Variants in NSUN2 observed in about 807,000 individuals in gnomAD.
NSUN2 encodes the protein NOP2/Sun RNA methyltransferase 2.
A neutral mutation model predicts 92.7 loss-of-function variants in NSUN2; 63 were observed. The ratio of observed to expected loss-of-function variants is 0.68; its 90% CI spans 0.56 to 0.84. The LOEUF (loss-of-function observed/expected upper bound fraction) is 0.84, where lower values mean the gene tolerates loss of function less well. Ranked by LOEUF, NSUN2 falls within the 40% of genes least tolerant of loss-of-function variation. The pLI is 0.00. For synonymous variants in NSUN2, 356 were observed against 348.3 expected, an observed-to-expected ratio of 1.02 and a Z score of -0.25; for missense variants, 989 against 964.9, an observed-to-expected ratio of 1.02 and a Z score of -0.33.
chr5:6,627,141 AT>A (rs1399427571), intron 3 of NSUN2, among the ~76,000 whole-genome samples: 1 of 152,254 alleles, frequency 6.6e-6, no homozygotes, highest in Non-Finnish European at 1.5e-5. Flanking sequence ...CCTCCTCGAC[AT>A]TTAATGTGTT....
rs1736458041 is a variant in NSUN2, at chr5:6,599,615, A to G, written c.*311T>C. 1 of 291,650 alleles carries G rather than the reference A, an allele frequency of 3.4e-6. No individual in the cohort carries two copies. Among genetic ancestry groups the G allele is most frequent in the Non-Finnish European group, 6.3e-6 (1 of 157,870 alleles). The allele number at this position is 291,650 out of a possible 1,614,324, so 18.1% of individuals were successfully genotyped here. On this transcript the variant is annotated 3_prime_UTR_variant, in exon 19 of 19. Transcript: ENST00000264670. ...AAAGACCTGAAATTTCTGCAAGGGC[A>G]GTTTTGTTTCTTGATAGAAGTACAA...
At position 6,607,263 on chromosome 5, in the gene NSUN2, G is replaced by A. The variant is rs1171385000; in HGVS notation, c.1445C>T (p.Thr482Ile). 6.2e-7 allele frequency: 1 copy of A among 1,614,054 alleles called. No homozygotes were observed. ...ESPSFTGTGD[T>I]EIAHATEDLE... Reference sequence around the variant, plus strand: ...ATCCTCAGTTGCATGAGCTATTTCTGTGTCACCAGTTCCTGTGAATGACGG... The same window carrying A: ...ATCCTCAGTTGCATGAGCTATTTCTATGTCACCAGTTCCTGTGAATGACGG... The change falls in exon 13 of 19, where the codon ACA (threonine) becomes ATA (isoleucine). Residue 482 changes from threonine (T) to isoleucine (I), a missense_variant. Transcript: ENST00000264670.
chr5:6,608,580 A>G (rs1432023804), intron 12 of NSUN2, among the ~76,000 whole-genome samples: 2 of 152,262 alleles, frequency 1.3e-5, no homozygotes, highest in South Asian at 2.1e-4. Context: ...GAAAATGACA[A>G]TAAGTTGTTC....
At chr5:6,600,721 C>G (rs942641893) in intron 18 of NSUN2, among the ~76,000 whole-genome samples, 1 of 152,002 alleles carries the variant, frequency 6.6e-6, no homozygotes, top group Non-Finnish European at 1.5e-5. Flanking sequence ...CTGCCCTTAG[C>G]AGGGCTGCCA....
chr5:6,600,842 C>T (rs746710243), intron 18 of NSUN2, among the ~76,000 whole-genome samples: 8 of 152,222 alleles, frequency 5.3e-5, no homozygotes, highest in Non-Finnish European at 8.8e-5. Flanking sequence ...TGCTCATTTC[C>T]GTTCCCAGCA....
chr5:6,605,034 C>T, intron 15 of NSUN2: 1 of 609,696 alleles, frequency 1.6e-6, no homozygotes, highest in Non-Finnish European at 2.9e-6. Context: ...TGGCTCACCC[C>T]CCTGCGGGAA....
At chr5:6,601,618 C>T (rs1263529359) in intron 18 of NSUN2, among the ~76,000 whole-genome samples, 2 of 152,132 alleles carry the variant, frequency 1.3e-5, no homozygotes, top group Admixed American at 6.6e-5. Flanking sequence ...TCCTTCCCTA[C>T]TTGGCTGGGC....
chr5:6,607,272 G>A lies in NSUN2; in HGVS notation c.1436C>T (p.Thr479Ile), dbSNP rs1736814973. ...TGCATGAGCTATTTCTGTGTCACCA[G>A]TTCCTGTGAATGACGGACTTTCCAG... is the stretch of plus-strand genomic sequence containing the variant. ...SKLESPSFTG[T>I]GDTEIAHATE... The change falls in exon 13 of 19, where the codon ACT becomes ATT. Residue 479 changes from threonine to isoleucine, a missense_variant. Thr to Ile is a moderately conservative substitution (Grantham distance 89). Transcript: ENST00000264670. 1 of 1,614,106 alleles carries A rather than the reference G, an allele frequency of 6.2e-7. No homozygotes were observed.
At position 6,607,262 on chromosome 5, in the gene NSUN2, T is replaced by C. The variant is rs1736814512; in HGVS notation, c.1446A>G (p.Thr482=). Residue 482 remains threonine (T), a synonymous_variant, in exon 13 of 19, where the codon ACA becomes ACG. Coordinates refer to ENST00000264670, the MANE Select transcript of NSUN2 (RefSeq NM_017755.6). ...AATCCTCAGTTGCATGAGCTATTTC[T>C]GTGTCACCAGTTCCTGTGAATGACG... is the stretch of plus-strand genomic sequence containing the variant. ...ESPSFTGTGD[T]EIAHATEDLE... The C allele has an allele frequency of 2.5e-6, 4 of 1,614,250 alleles. No homozygotes were observed. The highest frequency in any genetic ancestry group is 2.7e-5 in the African/African-American group (2 of 75,074).
At chr5:6,610,858 C>A in intron 11 of NSUN2, 97 bp downstream of exon 11, 1 of 1,439,546 alleles carries the variant, frequency 6.9e-7, no homozygotes, top group East Asian at 2.4e-5. Context: ...GCAATGTCAC[C>A]TGCTGCCTCC....
At chr5:6,621,794 T>C (rs1295813348) in intron 6 of NSUN2, 10 of 440,920 alleles carry the variant, frequency 2.3e-5, no homozygotes, top group Non-Finnish European at 3.2e-5. Context: ...AAAACACACA[T>C]AATTCTAAAA....
At position 6,611,811 on chromosome 5, in the gene NSUN2, A is replaced by G; in HGVS notation, c.1022-13T>C. 3 of 1,613,516 alleles carry G rather than the reference A, an allele frequency of 1.9e-6. No homozygotes were observed. Among genetic ancestry groups the G allele is most frequent in the Non-Finnish European group, 2.5e-6 (3 of 1,179,480 alleles). On this transcript the variant is annotated splice_polypyrimidine_tract_variant and intron_variant, in intron 9 of 18. Coordinates refer to ENST00000264670, the MANE Select transcript of NSUN2 (RefSeq NM_017755.6). ...AGCTCCAAAGCACCTGTGCAGCAAAAGCATGGACGTCTTTTGTTTTTCAAA... is the reference window on the plus strand; with the variant it reads ...AGCTCCAAAGCACCTGTGCAGCAAAGGCATGGACGTCTTTTGTTTTTCAAA...
At chr5:6,625,736 G>T in intron 3 of NSUN2, 67 bp from the exon 4 acceptor site, 2 of 1,124,464 alleles carry the variant, frequency 1.8e-6, no homozygotes, top group Non-Finnish European at 2.7e-6. Flanking sequence ...ACAACTTTGT[G>T]CTTCTATCAG....
chr5:6,605,830 G>C (rs1440571048), intron 14 of NSUN2, among the ~76,000 whole-genome samples: 2 of 150,938 alleles, frequency 1.3e-5, no homozygotes, highest in African/African-American at 4.9e-5. Flanking sequence ...GAGTAGCTGT[G>C]ATTATAGGTG....
chr5:6,628,551 G>A (rs139953204), intron 3 of NSUN2, among the ~76,000 whole-genome samples: 2,385 of 152,198 alleles, frequency 0.016, 32 homozygotes, highest in Middle Eastern at 0.031. Context: ...TTCAAAAAAC[G>A]TTTTCCTAAA....
At position 6,610,962 on chromosome 5, in the gene NSUN2, C is replaced by A. The variant is rs1354121232; in HGVS notation, c.1219G>T (p.Glu407Ter). 6.2e-7 allele frequency: 1 copy of A among 1,614,092 alleles called. No individual in the cohort carries two copies. The stretch of plus-strand genomic sequence containing the variant: ...GAGGCCCCACCAGCTCACCATCGCT[C>A]CAGGTGCATGGCCTGCAGCTTTTCT... The part of the protein sequence containing the change: ...DPEKLQAMHL[E>*]RCLRILPHHQ... The change falls in exon 11 of 19, where the codon GAG becomes TAG. Residue 407 changes from glutamate (E) to a stop codon, truncating the protein, a stop_gained. Coordinates refer to ENST00000264670, the MANE Select transcript of NSUN2 (RefSeq NM_017755.6). LOFTEE classifies it high-confidence loss of function.
At position 6,611,448 on chromosome 5, in the gene NSUN2, T is replaced by TAAAAAAAAAAAAAAAAAAAAAA. The variant is rs760872450; in HGVS notation, c.1095+276_1095+277insTTTTTTTTTTTTTTTTTTTTTT. ...ACAAGGCTTGAATCCCGGCCCAATTTAAAAAAAAAAAAAAAAAGCAAAGCT... is the reference window on the plus strand; with the variant it reads ...ACAAGGCTTGAATCCCGGCCCAATTTAAAAAAAAAAAAAAAAAAAAAAAAAAAAAAAAAAAAAAAGCAAAGCT... On this transcript the variant is annotated intron_variant, in intron 10 of 18. Coordinates refer to ENST00000264670, the MANE Select transcript of NSUN2 (RefSeq NM_017755.6). Among the ~76,000 whole-genome samples, 161 of 85,998 alleles carry TAAAAAAAAAAAAAAAAAAAAAA rather than the reference T, an allele frequency of 1.9e-3. 11 individuals carry two copies. The highest frequency in any genetic ancestry group is 2.7e-3 in the East Asian group (8 of 2,958). 56.4% of individuals were successfully genotyped at this position (85,998 alleles called of 152,430 possible).
At chr5:6,603,799 C>T in intron 17 of NSUN2, 1 of 217,216 alleles carries the variant, frequency 4.6e-6, no homozygotes, top group Non-Finnish European at 9.0e-6. Context: ...GGAGGCTTGC[C>T]AGGGCTGCTC....
intron 17 of NSUN2, 123 bp downstream of exon 17, chr5:6,604,015 A>T: frequency 1.2e-6 from 1 of 856,354 alleles, no homozygotes; most frequent in Admixed American, 2.4e-5. Flanking sequence ...CTGGAAATTG[A>T]TGTAGCCATA....
Sources: allele counts gnomAD v4.1 joint callset (sites outside exome capture counted in the v4.1 genomes callset), GRCh38; gene constraint gnomAD v4.1.1; transcripts MANE v1.5; gene names NCBI Gene and HGNC (gene_info 2026-07-23, HGNC 2026-07-21).